PEX14: variants seen among roughly 807,000 people sequenced by gnomAD.
PEX14 encodes peroxisomal biogenesis factor 14, also known as peroxisomal membrane protein PEX14.
A neutral mutation model predicts 49.5 loss-of-function variants in PEX14; 15 were observed. That is an observed-to-expected ratio of 0.30 (90% CI 0.20 to 0.47). The LOEUF (loss-of-function observed/expected upper bound fraction) is 0.47. PEX14 is among the 20% of genes least tolerant of loss of function. The pLI is 1.00. For missense variants in PEX14, 398 were observed against 494.8 expected, an observed-to-expected ratio of 0.80 and a Z score of 1.86; for synonymous variants, 210 against 212.7, an observed-to-expected ratio of 0.99 and a Z score of 0.11.
intron 2 of PEX14, among the ~76,000 whole-genome samples, chr1:10,496,647 C>T (rs909796886): frequency 2.0e-5 from 3 of 152,110 alleles, no homozygotes; most frequent in African/African-American, 7.2e-5. Context: ...TCTTTGGGAG[C>T]CCTGAGCAGT....
intron 3 of PEX14, among the ~76,000 whole-genome samples, chr1:10,547,265 T>C (rs1458019538): frequency 6.6e-6 from 1 of 152,196 alleles, no homozygotes; most frequent in Non-Finnish European, 1.5e-5. Flanking sequence ...CCTCAGTGTT[T>C]CCAATATCCT....
At chr1:10,524,381 A>G (rs1638401443) in intron 2 of PEX14, 12 of 737,532 alleles carry the variant, frequency 1.6e-5, no homozygotes, top group African/African-American at 1.9e-5. Flanking sequence ...TCAGATAACA[A>G]AAAGTGAACT....
intron 2 of PEX14, among the ~76,000 whole-genome samples, chr1:10,508,662 G>A (rs1420734537): frequency 6.6e-6 from 1 of 152,226 alleles, no homozygotes; most frequent in Non-Finnish European, 1.5e-5. Context: ...AGGTGCCCAG[G>A]AGGAGAAAGG....
intron 3 of PEX14, among the ~76,000 whole-genome samples, chr1:10,545,469 T>C (rs1452713302): frequency 1.3e-5 from 2 of 152,202 alleles, no homozygotes; most frequent in East Asian, 1.9e-4. Flanking sequence ...TGTACCAGCA[T>C]TTTGAGCCTG....
At position 10,536,459 on chromosome 1, in the gene PEX14, G is replaced by A. The variant is rs557159593; in HGVS notation, c.169+162G>A. 1.7e-5 allele frequency: 11 copies of A among 661,582 alleles called. No homozygotes were observed. The South Asian group carries it at 1.8e-4, about 11-fold the overall frequency. 41.0% of individuals were successfully genotyped at this position (661,582 alleles called of 1,614,324 possible). ...GCGAACCCCCCAGTGGGGCATGCAGGTTTCTTTCCTGACAATGGAGCGGCA... is the reference window on the plus strand; with the variant it reads ...GCGAACCCCCCAGTGGGGCATGCAGATTTCTTTCCTGACAATGGAGCGGCA... On this transcript the variant is annotated intron_variant, in intron 3 of 8. Coordinates refer to ENST00000356607, the MANE Select transcript of PEX14 (RefSeq NM_004565.3).
At chr1:10,487,977 C>T (rs989812948) in intron 1 of PEX14, among the ~76,000 whole-genome samples, 4 of 151,698 alleles carry the variant, frequency 2.6e-5, no homozygotes, top group African/African-American at 7.3e-5. Context: ...GATGGGGTTT[C>T]ACCACCTTGG....
At chr1:10,563,302 T>G (rs1480412251) in intron 3 of PEX14, among the ~76,000 whole-genome samples, 1 of 150,960 alleles carries the variant, frequency 6.6e-6, no homozygotes, top group East Asian at 2.0e-4. Context: ...TTCCACACTT[T>G]AAAAATGTTA....
intron 2 of PEX14, among the ~76,000 whole-genome samples, chr1:10,521,189 T>C (rs1301742360): frequency 6.6e-6 from 1 of 152,074 alleles, no homozygotes; most frequent in Non-Finnish European, 1.5e-5. Context: ...TTTTCTTTTC[T>C]TTTTCTCTCT....
intron 3 of PEX14, among the ~76,000 whole-genome samples, chr1:10,579,948 C>T (rs564658891): frequency 1.7e-4 from 26 of 152,114 alleles, no homozygotes; most frequent in Non-Finnish European, 3.2e-4. Context: ...TTTTACCCAG[C>T]TCCTACTCAA....
chr1:10,482,431 A>G (rs1373418141), intron 1 of PEX14, among the ~76,000 whole-genome samples: 1 of 140,604 alleles, frequency 7.1e-6, no homozygotes, highest in Non-Finnish European at 1.5e-5. Flanking sequence ...CGGGTGGCCC[A>G]TCTTACTTTT....
At chr1:10,580,253 C>T (rs1361966893) in intron 3 of PEX14, among the ~76,000 whole-genome samples, 2 of 152,012 alleles carry the variant, frequency 1.3e-5, no homozygotes, top group East Asian at 3.9e-4. Context: ...GAGATAGGAT[C>T]TCACTCTGTC....
intron 2 of PEX14, among the ~76,000 whole-genome samples, chr1:10,508,939 C>G (rs1241319264): frequency 7.0e-6 from 1 of 142,112 alleles, no homozygotes; most frequent in Non-Finnish European, 1.6e-5. Context: ...CAAAGGCATG[C>G]CTCCTTTTTT....
chr1:10,476,038 T>C (rs1050702888), intron 1 of PEX14, among the ~76,000 whole-genome samples: 1 of 152,186 alleles, frequency 6.6e-6, no homozygotes, highest in Non-Finnish European at 1.5e-5. Flanking sequence ...AGGATTAGAA[T>C]GAGGAAGAAG....
chr1:10,611,247 A>T (rs1411408295), intron 4 of PEX14, among the ~76,000 whole-genome samples: 1 of 152,090 alleles, frequency 6.6e-6, no homozygotes, highest in Non-Finnish European at 1.5e-5. Context: ...TGGGTGACAG[A>T]GCAAGACTCT....
In PEX14 at chr1:10,514,143, ATAATC is replaced by A. The variant is rs1641930942; in HGVS notation, c.84+18825_84+18829del. Reference sequence around the variant, plus strand: ...AGAAAAAAAGGAAAAAATGTATAAAATAATCTATGCCTCTGTGTGTGTGTGTGTGT... The same window carrying A: ...AGAAAAAAAGGAAAAAATGTATAAAATATGCCTCTGTGTGTGTGTGTGTGT... On this transcript the variant is annotated intron_variant, in intron 2 of 8. Coordinates refer to ENST00000356607, the MANE Select transcript of PEX14 (RefSeq NM_004565.3). This position sits in a 1 kb window ranked among gnomAD's most constrained non-coding sequence, Gnocchi z 4.4. Among the ~76,000 whole-genome samples, 1 of 146,878 alleles carries A rather than the reference ATAATC, an allele frequency of 6.8e-6. No homozygotes were observed. Among genetic ancestry groups the A allele is most frequent in the Admixed American group, 6.9e-5 (1 of 14,454 alleles).
intron 3 of PEX14, among the ~76,000 whole-genome samples, chr1:10,551,341 G>A (rs747548966): frequency 2.6e-5 from 4 of 152,018 alleles, no homozygotes; most frequent in African/African-American, 7.2e-5. Flanking sequence ...AAATTAAATC[G>A]ACTTTCTCCT....
chr1:10,572,521 A>G (rs1640006078), intron 3 of PEX14, among the ~76,000 whole-genome samples: 1 of 152,146 alleles, frequency 6.6e-6, no homozygotes, highest in Admixed American at 6.6e-5. Flanking sequence ...GTGTCACTGG[A>G]TGACAGAGAT....
chr1:10,627,434 G>T, intron 8 of PEX14, 71 bp downstream of exon 8: 8 of 1,104,930 alleles, frequency 7.2e-6, no homozygotes, highest in Non-Finnish European at 1.1e-5. Flanking sequence ...TGGGGCATGG[G>T]AGGGGCATGA....
intron 3 of PEX14, among the ~76,000 whole-genome samples, chr1:10,577,545 T>C (rs1570295412): frequency 3.1e-4 from 2 of 6,522 alleles, no homozygotes; most frequent in Non-Finnish European, 4.6e-4. Flanking sequence ...TATATATATA[T>C]ATATATATAT....
Sources: allele counts gnomAD v4.1 joint callset (sites outside exome capture counted in the v4.1 genomes callset), GRCh38; gene constraint gnomAD v4.1.1; non-coding constraint Gnocchi (gnomAD v3.1); transcripts MANE v1.5; gene names NCBI Gene and HGNC (gene_info 2026-07-23, HGNC 2026-07-21).